The following CHI3L2 variants were observed in gnomAD, a reference collection of about 807,000 sequenced individuals.
The protein encoded by CHI3L2 is chitinase-3-like protein 2.
A neutral mutation model predicts 47.3 loss-of-function variants in CHI3L2; 47 were observed. The ratio of observed to expected loss-of-function variants is 0.99; its 90% confidence interval spans 0.79 to 1.27. The LOEUF is 1.27. Ranked by LOEUF, CHI3L2 falls within the 50% of genes most tolerant of loss-of-function variation. The pLI, the probability that CHI3L2 is intolerant of heterozygous loss-of-function variation, is 0.00. For missense variants in CHI3L2, 497 were observed against 462.1 expected (o/e 1.08, Z -0.69); for synonymous variants, 198 against 169.9 (o/e 1.17, Z -1.28).
chr1:111,229,966 T>C lies in CHI3L2; in HGVS notation c.70+85T>C, dbSNP rs901999567. ...ATGTACAGTTTCTTTTTCTGCTACA[T>C]GCTTTTTCTCTTGATTACTCTCTCC... On this transcript the variant is annotated intron_variant, in intron 2 of 10. Transcript: ENST00000369748. 1.4e-5 allele frequency: 20 copies of C among 1,468,162 alleles called. No homozygotes were observed. The African/African-American group carries it at 2.4e-4, about 17-fold the overall frequency. The allele number at this position is 1,468,162 out of a possible 1,614,324, so 90.9% of individuals were successfully genotyped here. A position where few individuals can be genotyped will look rare whatever the true frequency, so the allele number is the denominator to read the frequency against.
intron 5 of CHI3L2, 124 bp downstream of exon 5, chr1:111,235,181 C>T (rs1163881761): frequency 1.4e-5 from 13 of 920,568 alleles, no homozygotes; most frequent in Non-Finnish European, 1.9e-5. Flanking sequence ...CAGCCCCAGC[C>T]TTTCTGAAGC....
Position 111,241,415 on chromosome 1 carries a change from A to G in CHI3L2, c.1007A>G (p.Tyr336Cys), listed in dbSNP as rs199592205. 779 of 1,603,746 alleles carry G rather than the reference A, an allele frequency of 4.9e-4. 2 individuals carry two copies. Among genetic ancestry groups the G allele is most frequent in the Non-Finnish European group, 2.6e-4 (308 of 1,170,448 alleles). Residue 336 changes from tyrosine to cysteine, a missense_variant, in exon 9 of 11, where the codon TAT becomes TGT. Coordinates refer to ENST00000369748, the MANE Select transcript of CHI3L2 (RefSeq NM_004000.3). ...YAVKGNQWVG[Y>C]DDVKSMETKV... ...GTCAAGGGGAACCAGTGGGTGGGCTATGATGATGTGAAGAGTATGGAGACC... is the reference window on the plus strand; with the variant it reads ...GTCAAGGGGAACCAGTGGGTGGGCTGTGATGATGTGAAGAGTATGGAGACC...
chr1:111,235,101 T>G, intron 5 of CHI3L2, 44 bp downstream of exon 5: 1 of 1,599,406 alleles, frequency 6.3e-7, no homozygotes, highest in Non-Finnish European at 8.5e-7. Context: ...GATGCCACGG[T>G]GTACTCAGTA....
intron 2 of CHI3L2, 89 bp from the exon 3 acceptor site, chr1:111,230,653 C>A: frequency 1.9e-6 from 2 of 1,074,968 alleles, no homozygotes; most frequent in Non-Finnish European, 1.4e-6. Context: ...GCAAATGATG[C>A]AATGGCTGTC....
rs72979883 is a variant in CHI3L2, at chr1:111,240,319, T to C, written c.919-1008T>C. ...AATGATTGGCACATCATCAATTCAA[T>C]TGGCAACAAGAATGGGACATGGGTC... On this transcript the variant is annotated intron_variant, in intron 8 of 10. Transcript: ENST00000369748. Among the ~76,000 whole-genome samples the C allele has an allele frequency of 1.9e-3, 291 of 152,294 alleles. 2 individuals are homozygous for C. Among genetic ancestry groups the C allele is most frequent in the African/African-American group, 6.5e-3 (271 of 41,556 alleles).
intron 4 of CHI3L2, among the ~76,000 whole-genome samples, chr1:111,234,390 A>C (rs1236274757): frequency 6.6e-6 from 1 of 152,152 alleles, no homozygotes; most frequent in East Asian, 1.9e-4. Flanking sequence ...ATAAAGAGGA[A>C]ACACTGGGGC....
Position 111,238,754 on chromosome 1 carries a change from A to G in CHI3L2, c.740A>G (p.Tyr247Cys), listed in dbSNP as rs1659958208. ...RGPSSYYNVE[Y>C]AVGYWIHKGM... is the part of the protein sequence containing the mutation. The stretch of plus-strand genomic sequence containing the variant: ...CCATCTCTCTTCCCATTCTAGGAAT[A>G]TGCTGTGGGGTACTGGATACATAAG... Residue 247 changes from tyrosine to cysteine, a missense_variant, in exon 8 of 11, where the codon TAT becomes TGT. By Grantham distance (194) the Tyr-to-Cys change is radical. Coordinates refer to ENST00000369748, the MANE Select transcript of CHI3L2 (RefSeq NM_004000.3). The G allele has an allele frequency of 3.7e-6, 6 of 1,613,608 alleles. No individual in the cohort carries two copies. The highest frequency in any genetic ancestry group is 5.1e-6 in the Non-Finnish European group (6 of 1,179,822).
At chr1:111,242,134 T>G in intron 9 of CHI3L2, 93 bp from the exon 10 acceptor site, 4 of 1,534,532 alleles carry the variant, frequency 2.6e-6, no homozygotes, top group Non-Finnish European at 3.6e-6. Flanking sequence ...ACTGCTGTAT[T>G]TTAAGCTTAG....
chr1:111,232,091 G>A (rs1659739065), intron 4 of CHI3L2, among the ~76,000 whole-genome samples: 1 of 152,226 alleles, frequency 6.6e-6, no homozygotes, highest in Non-Finnish European at 1.5e-5. Context: ...CAACCTGTCA[G>A]AAGTCAGTTA....
Position 111,236,011 on chromosome 1 carries a change from T to G in CHI3L2, c.606-13T>G. The G allele has an allele frequency of 6.2e-7, 1 of 1,613,494 alleles. No homozygotes were observed. The highest frequency in any genetic ancestry group is 2.2e-5 in the East Asian group (1 of 44,880). On this transcript the variant is annotated splice_polypyrimidine_tract_variant and intron_variant, in intron 6 of 10. Coordinates refer to ENST00000369748, the MANE Select transcript of CHI3L2 (RefSeq NM_004000.3). ...TCGTCACAAAATCTCTCCCATTGCT[T>G]TTGGCACTTTAGAGATCTGGATTTC...
rs150676346 is a variant in CHI3L2 at position 111,242,301 on chromosome 1, A to G, written c.1110A>G (p.Lys370=). 32 of 1,614,068 alleles carry G rather than the reference A, an allele frequency of 2.0e-5. No individual in the cohort carries two copies. In the East Asian group the frequency reaches 7.1e-4, roughly 36 times the overall value. ...WSIDMDDFTG[K]SCNQGPYPLV... is the part of the protein sequence containing the mutation. ...TTGACATGGATGACTTCACTGGCAA[A>G]TCCTGCAACCAGGGCCCTTACCCTC... The change falls in exon 10 of 11, where the codon AAA becomes AAG. Residue 370 remains lysine, a synonymous_variant. Coordinates refer to ENST00000369748, the MANE Select transcript of CHI3L2 (RefSeq NM_004000.3).
chr1:111,236,011 T>C lies in CHI3L2; in HGVS notation c.606-13T>C, dbSNP rs925225743. 1.2e-6 allele frequency: 2 copies of C among 1,613,494 alleles called. No homozygotes were observed. Among genetic ancestry groups the C allele is most frequent in the Non-Finnish European group, 1.7e-6 (2 of 1,179,766 alleles). ...TCGTCACAAAATCTCTCCCATTGCT[T>C]TTGGCACTTTAGAGATCTGGATTTC... On this transcript the variant is annotated splice_polypyrimidine_tract_variant and intron_variant, in intron 6 of 10. Transcript: ENST00000369748.
At chr1:111,234,644 G>A (rs188967847) in intron 4 of CHI3L2, among the ~76,000 whole-genome samples, 9 of 152,284 alleles carry the variant, frequency 5.9e-5, no homozygotes, top group African/African-American at 2.2e-4. Flanking sequence ...GTTTGGTCAA[G>A]GCAAGAGTCT....
At chr1:111,229,479 G>A (rs566548386) in intron 1 of CHI3L2, among the ~76,000 whole-genome samples, 48 of 151,210 alleles carry the variant, frequency 3.2e-4, no homozygotes, top group African/African-American at 1.1e-3. Flanking sequence ...TCAGGAGATC[G>A]AGACCATCCC....
rs189591829 is a variant in CHI3L2, at chr1:111,243,210, T to C, written c.*3-7T>C. The stretch of plus-strand genomic sequence containing the variant: ...GGGCTTTGAAATATTTTTCCTTTTG[T>C]TTCCAGGATTAACTTACAGAGAAGC... On this transcript the variant is annotated splice_region_variant and splice_polypyrimidine_tract_variant and intron_variant, in intron 10 of 10. Coordinates refer to ENST00000369748, the MANE Select transcript of CHI3L2 (RefSeq NM_004000.3). 4 of 456,102 alleles carry C rather than the reference T, an allele frequency of 8.8e-6. No individual in the cohort carries two copies. The highest frequency in any genetic ancestry group is 6.9e-5 in the East Asian group (1 of 14,402). The allele number at this position is 456,102 out of a possible 1,614,324, so 28.3% of individuals were successfully genotyped here.
At chr1:111,240,856 C>T (rs776831310) in intron 8 of CHI3L2, among the ~76,000 whole-genome samples, 1 of 152,078 alleles carries the variant, frequency 6.6e-6, no homozygotes, top group Non-Finnish European at 1.5e-5. Flanking sequence ...AGTGGAGATG[C>T]TACAAGATGA....
intron 7 of CHI3L2, among the ~76,000 whole-genome samples, chr1:111,237,507 G>A (rs1025104721): frequency 4.5e-4 from 68 of 152,144 alleles, no homozygotes; most frequent in African/African-American, 1.5e-3. Context: ...TCACAAAATG[G>A]ATCGGTCCAG....
chr1:111,238,564 T>C (rs1027797342), intron 7 of CHI3L2, among the ~76,000 whole-genome samples, 186 bp from the exon 8 acceptor site: 5 of 152,264 alleles, frequency 3.3e-5, no homozygotes, highest in African/African-American at 1.2e-4. Flanking sequence ...TGCATAAGCC[T>C]CTTGCTGCTA....
chr1:111,234,812 G>C, intron 4 of CHI3L2, 95 bp from the exon 5 acceptor site: 3 of 1,142,562 alleles, frequency 2.6e-6, no homozygotes, highest in Middle Eastern at 2.9e-4. Context: ...GAATATTGGG[G>C]AAGAGAAGAC....
Sources: gnomAD v4.1 joint callset for allele counts (sites outside exome capture counted in the v4.1 genomes callset) on GRCh38, gnomAD v4.1.1 for gene constraint, MANE v1.5 for transcripts, NCBI Gene and HGNC (gene_info 2026-07-23, HGNC 2026-07-21) for gene names.